Variants in DLG2 observed in about 807,000 individuals in gnomAD.
DLG2 encodes discs large MAGUK scaffold protein 2.
DLG2 carries 45 observed loss-of-function variants against 132.5 expected under a neutral mutation model. That is an observed-to-expected ratio of 0.34 (90% CI 0.27 to 0.44). The LOEUF (loss-of-function observed/expected upper bound fraction) is 0.44, where lower values mean the gene tolerates loss of function less well. DLG2 is among the 20% of genes least tolerant of loss of function. The pLI, the probability that DLG2 is intolerant of heterozygous loss-of-function variation, is 1.00. For missense variants in DLG2, 1,045 were observed against 1,196.9 expected (o/e 0.87, Z 1.87); for synonymous variants, 424 against 419.6 (o/e 1.01, Z -0.13).
At chr11:84,361,134 C>T (rs970977322) in intron 7 of DLG2, among the ~76,000 whole-genome samples, 1 of 151,696 alleles carries the variant, frequency 6.6e-6, no homozygotes, top group Non-Finnish European at 1.5e-5. Context: ...TGAATGATAC[C>T]AAGTACAGTC....
At chr11:83,589,033 T>C (rs370692710) in intron 19 of DLG2, among the ~76,000 whole-genome samples, 20,581 of 145,038 alleles carry the variant, frequency 0.14, 1,622 homozygotes, top group Non-Finnish European at 0.17. Flanking sequence ...CTGAAAGTGA[T>C]GGGGAGAATG....
In DLG2 at chr11:83,757,717, G is replaced by T. The variant is rs138955960; in HGVS notation, c.1825+28973C>A. Reference sequence around the variant, plus strand: ...AGGGGGGTTTAGGGCTTCTTAGAAAGCTTCTCTGACTTCACACACACATAT... The same window carrying T: ...AGGGGGGTTTAGGGCTTCTTAGAAATCTTCTCTGACTTCACACACACATAT... On this transcript the variant is annotated intron_variant, in intron 18 of 27. Transcript: ENST00000376104. 5.1e-3 allele frequency among the ~76,000 whole-genome samples: 778 copies of T among 152,242 alleles called. 5 individuals carry two copies. The highest frequency in any genetic ancestry group is 7.5e-3 in the Non-Finnish European group (509 of 67,998).
chr11:84,374,801 G>C (rs1000840034), intron 7 of DLG2, among the ~76,000 whole-genome samples: 1 of 151,982 alleles, frequency 6.6e-6, no homozygotes, highest in Non-Finnish European at 1.5e-5. Context: ...ATAAACACTA[G>C]AGTCTAAAAG....
intron 8 of DLG2, among the ~76,000 whole-genome samples, chr11:84,205,789 A>T (rs115348642): frequency 0.025 from 3,817 of 152,210 alleles, 163 homozygotes; most frequent in African/African-American, 0.087. Context: ...TTAAAAAGCT[A>T]CAAAAATGAA....
intron 19 of DLG2, among the ~76,000 whole-genome samples, chr11:83,614,275 C>T (rs1413068862): frequency 6.6e-6 from 1 of 152,130 alleles, no homozygotes; most frequent in Non-Finnish European, 1.5e-5. Flanking sequence ...TATGGGATAT[C>T]AACAGTTGTT....
In DLG2 at chr11:85,166,000, A is replaced by G. The variant is rs114409477; in HGVS notation, c.187-11349T>C. ...TCTTTACTGCCCACTCATCCTTTCAAATTGTGGTCCCCAGACCAGCAGCAT... is the reference window on the plus strand; with the variant it reads ...TCTTTACTGCCCACTCATCCTTTCAGATTGTGGTCCCCAGACCAGCAGCAT... On this transcript the variant is annotated intron_variant, in intron 4 of 27. Transcript: ENST00000376104. Among the ~76,000 whole-genome samples the G allele has an allele frequency of 6.5e-3, 992 of 152,192 alleles. 14 individuals are homozygous for G. The highest frequency in any genetic ancestry group is 0.022 in the African/African-American group (903 of 41,538).
chr11:83,689,915 T>TTA (rs1002869165), intron 18 of DLG2, among the ~76,000 whole-genome samples: 2 of 144,668 alleles, frequency 1.4e-5, no homozygotes, highest in Non-Finnish European at 3.0e-5. Context: ...TATGTAAATA[T>TTA]TATATATTTA....
rs1406006120 is a variant in DLG2, at chr11:85,285,290, T to C, written c.116A>G (p.Gln39Arg). 1 of 1,612,186 alleles carries C rather than the reference T, an allele frequency of 6.2e-7. No homozygotes were observed. The highest frequency in any genetic ancestry group is 1.1e-5 in the South Asian group (1 of 91,008). ...SCEQKIEEAN[Q>R]VLQKWEKTSL... ...TGTCTTCTCCCATTTCTGTAAAACT[T>C]GATTGGCTTCTTCTATCTTCTGCTC... Residue 39 changes from glutamine to arginine, a missense_variant, in exon 4 of 28, where the codon CAA (glutamine) becomes CGA (arginine). Physicochemically the swap from Gln to Arg is conservative, Grantham distance 43 (BLOSUM62 1). Coordinates refer to ENST00000376104, the MANE Select transcript of DLG2 (RefSeq NM_001142699.3).
At chr11:84,865,109 C>T (rs1600208336) in intron 6 of DLG2, among the ~76,000 whole-genome samples, 1 of 152,160 alleles carries the variant, frequency 6.6e-6, no homozygotes, top group African/African-American at 2.4e-5. Flanking sequence ...TAAAAGGTTA[C>T]TCTCTATTAC....
chr11:84,514,180 G>A (rs1383786379), intron 7 of DLG2, among the ~76,000 whole-genome samples: 3 of 152,082 alleles, frequency 2.0e-5, no homozygotes, highest in Non-Finnish European at 2.9e-5. Flanking sequence ...TTATCCAAAA[G>A]TCAGGTAATA....
chr11:84,738,605 T>G (rs566341670), intron 6 of DLG2, among the ~76,000 whole-genome samples: 1 of 152,306 alleles, frequency 6.6e-6, no homozygotes, highest in African/African-American at 2.4e-5. Context: ...TTGGAATGGC[T>G]AAAACTTGGG....
At chr11:85,062,924 G>A (rs1391368663) in intron 6 of DLG2, among the ~76,000 whole-genome samples, 2 of 151,740 alleles carry the variant, frequency 1.3e-5, no homozygotes, top group Non-Finnish European at 2.9e-5. Context: ...TTGTTAAAAT[G>A]CCTCTGCCAG....
At chr11:84,831,516 A>C (rs2079052440) in intron 6 of DLG2, among the ~76,000 whole-genome samples, 1 of 151,682 alleles carries the variant, frequency 6.6e-6, no homozygotes, top group South Asian at 2.1e-4. Context: ...GTAAAATAAA[A>C]TGAAGTCACG....
chr11:85,147,868 G>T (rs2076966647), intron 5 of DLG2, among the ~76,000 whole-genome samples: 1 of 152,164 alleles, frequency 6.6e-6, no homozygotes, highest in South Asian at 2.1e-4. Flanking sequence ...AATCCCACAT[G>T]CATTAGCTAT....
rs1232883987 is a variant in DLG2, at chr11:83,881,326, C to T, written c.1497-6838G>A. On this transcript the variant is annotated intron_variant, in intron 15 of 27. Coordinates refer to ENST00000376104, the MANE Select transcript of DLG2 (RefSeq NM_001142699.3). ...AAAAATCAAATCTATCATGTACTTA[C>T]ACATTGGATTTTGGGACCCAATATA... 2.6e-5 allele frequency among the ~76,000 whole-genome samples: 4 copies of T among 152,164 alleles called. No homozygotes were observed. In the East Asian group the frequency reaches 5.8e-4, roughly 22 times the overall value.
chr11:84,995,526 T>C (rs1365212437), intron 6 of DLG2, among the ~76,000 whole-genome samples: 1 of 152,218 alleles, frequency 6.6e-6, no homozygotes, highest in East Asian at 1.9e-4. Flanking sequence ...TGGCCTTGCA[T>C]GTCTTCTTGT....
intron 17 of DLG2, among the ~76,000 whole-genome samples, chr11:83,815,996 A>T (rs907248271): frequency 6.6e-6 from 1 of 152,134 alleles, no homozygotes; most frequent in Non-Finnish European, 1.5e-5. Context: ...CCTATAGCTT[A>T]AGCATCACTG....
intron 6 of DLG2, among the ~76,000 whole-genome samples, chr11:84,843,620 G>A (rs948341408): frequency 6.6e-6 from 1 of 151,794 alleles, no homozygotes; most frequent in Non-Finnish European, 1.5e-5. Flanking sequence ...AAATGGTATA[G>A]TATTTGCATA....
chr11:84,411,519 G>A (rs925354861), intron 7 of DLG2, among the ~76,000 whole-genome samples: 2 of 151,434 alleles, frequency 1.3e-5, no homozygotes, highest in East Asian at 1.9e-4. Context: ...AGTGGGCAAT[G>A]ACTCTGTTAC....
Sources: allele counts gnomAD v4.1 joint callset (sites outside exome capture counted in the v4.1 genomes callset), GRCh38; gene constraint gnomAD v4.1.1; transcripts MANE v1.5; gene names NCBI Gene and HGNC (gene_info 2026-07-23, HGNC 2026-07-21).